The following CATSPERB variants were observed in gnomAD, a reference collection of about 807,000 sequenced individuals.
CATSPERB encodes the protein catsper channel auxiliary subunit beta.
Under a neutral mutation model 128.3 loss-of-function variants are expected in CATSPERB, and 93 were observed. The ratio of observed to expected loss-of-function variants is 0.72; its 90% confidence interval spans 0.61 to 0.86. CATSPERB has a LOEUF of 0.86. Ranked by LOEUF, CATSPERB falls within the 40% of genes least tolerant of loss-of-function variation. CATSPERB has a pLI of 0.00. For synonymous variants in CATSPERB, 381 were observed against 448.8 expected (o/e 0.85, Z 1.91); for missense variants, 1,153 against 1,329.5 (o/e 0.87, Z 2.06).
chr14:91,605,826 T>G (rs1161099692), intron 22 of CATSPERB, among the ~76,000 whole-genome samples: 1 of 152,228 alleles, frequency 6.6e-6, no homozygotes, highest in Non-Finnish European at 1.5e-5. Context: ...CTCTCCTGAC[T>G]CACTCATACT....
chr14:91,615,058 C>T (rs1193573898), intron 20 of CATSPERB, among the ~76,000 whole-genome samples: 1 of 151,994 alleles, frequency 6.6e-6, no homozygotes, highest in Non-Finnish European at 1.5e-5. Context: ...CTAACAAAAA[C>T]CCATATTCTT....
intron 22 of CATSPERB, 38 bp downstream of exon 22, chr14:91,608,256 C>A (rs1164431978): frequency 1.6e-6 from 2 of 1,254,860 alleles, no homozygotes; most frequent in South Asian, 1.2e-5. Flanking sequence ...TTCCTGAATT[C>A]AAATAAGTGC....
At chr14:91,703,552 GC>G (rs942835320) in intron 7 of CATSPERB, among the ~76,000 whole-genome samples, 2 of 152,172 alleles carry the variant, frequency 1.3e-5, no homozygotes, top group African/African-American at 4.8e-5. Context: ...AGAGCCTTCA[GC>G]CCCACAGTGC....
At chr14:91,603,210 A>G (rs1466924421) in intron 22 of CATSPERB, 4 of 835,166 alleles carry the variant, frequency 4.8e-6, no homozygotes, top group Admixed American at 3.4e-5. Context: ...GGGTGTTTCA[A>G]TAAAATAGGG....
intron 23 of CATSPERB, among the ~76,000 whole-genome samples, chr14:91,590,917 C>T (rs944337426): frequency 6.6e-6 from 1 of 152,090 alleles, no homozygotes; most frequent in African/African-American, 2.4e-5. Context: ...TCCCAAAGTG[C>T]TGGAATTACA....
chr14:91,603,607 A>G (rs1566699720), intron 22 of CATSPERB, among the ~76,000 whole-genome samples: 1 of 152,198 alleles, frequency 6.6e-6, no homozygotes, highest in Non-Finnish European at 1.5e-5. Context: ...TAATTGGCTC[A>G]CAGTTCCACA....
At chr14:91,663,459 C>T (rs763773747) in intron 14 of CATSPERB, among the ~76,000 whole-genome samples, 6 of 151,938 alleles carry the variant, frequency 3.9e-5, no homozygotes, top group Admixed American at 1.3e-4. Context: ...TCCTGGCTAA[C>T]GCGGTGAAAC....
At chr14:91,706,002 A>C (rs1317487041) in intron 6 of CATSPERB, among the ~76,000 whole-genome samples, 1 of 152,216 alleles carries the variant, frequency 6.6e-6, no homozygotes. Context: ...GGGCAATTTG[A>C]AAGACAACTG....
intron 20 of CATSPERB, among the ~76,000 whole-genome samples, chr14:91,615,107 C>T (rs971194585): frequency 2.6e-5 from 4 of 152,096 alleles, no homozygotes; most frequent in Non-Finnish European, 5.9e-5. Context: ...CCCCAACCCC[C>T]GGGCTGAGGA....
At chr14:91,616,497 T>A (rs1224244505) in intron 20 of CATSPERB, among the ~76,000 whole-genome samples, 1 of 152,190 alleles carries the variant, frequency 6.6e-6, no homozygotes, top group Non-Finnish European at 1.5e-5. Flanking sequence ...TGTAAATTTA[T>A]AATTTGAAAA....
intron 11 of CATSPERB, among the ~76,000 whole-genome samples, chr14:91,681,689 T>C (rs1204206053): frequency 6.6e-6 from 1 of 152,186 alleles, no homozygotes; most frequent in Non-Finnish European, 1.5e-5. Context: ...CCCTTCACCC[T>C]TTCCACCAAG....
chr14:91,727,433 C>A lies in CATSPERB; in HGVS notation c.79+1968G>T, dbSNP rs76187504. 3.9e-5 allele frequency among the ~76,000 whole-genome samples: 6 copies of A among 152,106 alleles called. No homozygotes were observed. The South Asian group carries it at 1.0e-3, about 26-fold the overall frequency. ...AAAATAAATTTAATTTATAATTGAA[C>A]GTTACTCATTCTGTTTGTATAATGT... On this transcript the variant is annotated intron_variant, in intron 2 of 26. Coordinates refer to ENST00000256343, the MANE Select transcript of CATSPERB (RefSeq NM_024764.4).
At chr14:91,726,023 A>T (rs1198803427) in intron 2 of CATSPERB, among the ~76,000 whole-genome samples, 1 of 152,186 alleles carries the variant, frequency 6.6e-6, no homozygotes, top group Non-Finnish European at 1.5e-5. Context: ...GGATGGTCGG[A>T]GAGGCCAAAA....
At chr14:91,602,378 A>G (rs1893620054) in intron 22 of CATSPERB, among the ~76,000 whole-genome samples, 1 of 152,236 alleles carries the variant, frequency 6.6e-6, no homozygotes, top group South Asian at 2.1e-4. Flanking sequence ...GTATTATATC[A>G]ACTTTCAAAT....
intron 20 of CATSPERB, among the ~76,000 whole-genome samples, chr14:91,616,989 C>A (rs1362561867): frequency 2.6e-5 from 4 of 152,050 alleles, no homozygotes; most frequent in Non-Finnish European, 5.9e-5. Context: ...GGTGATCCAC[C>A]CGCCTTGGCC....
chr14:91,588,161 G>T, intron 24 of CATSPERB, 83 bp from the exon 25 acceptor site: 1 of 816,588 alleles, frequency 1.2e-6, no homozygotes, highest in Non-Finnish European at 1.9e-6. Flanking sequence ...TGCTGTTTTT[G>T]CCATTACTTT....
intron 11 of CATSPERB, among the ~76,000 whole-genome samples, chr14:91,677,534 T>G (rs539847425): frequency 6.6e-6 from 1 of 152,150 alleles, no homozygotes; most frequent in Non-Finnish European, 1.5e-5. Flanking sequence ...GTCAGAATGG[T>G]GATTATTAAA....
chr14:91,669,504 A>T (rs1566725382), intron 14 of CATSPERB, among the ~76,000 whole-genome samples: 2 of 152,188 alleles, frequency 1.3e-5, no homozygotes, highest in East Asian at 3.9e-4. Flanking sequence ...TTAGAAATAC[A>T]CTTTTGATGG....
intron 3 of CATSPERB, among the ~76,000 whole-genome samples, chr14:91,724,086 CT>C (rs1012446302): frequency 4.6e-5 from 7 of 152,118 alleles, no homozygotes; most frequent in East Asian, 1.9e-4. Context: ...GAACATTAAA[CT>C]TTTTTTTAAA....
Sources: allele counts gnomAD v4.1 joint callset (sites outside exome capture counted in the v4.1 genomes callset), GRCh38; gene constraint gnomAD v4.1.1; transcripts MANE v1.5; gene names NCBI Gene and HGNC (gene_info 2026-07-23, HGNC 2026-07-21).